FAM184A: variants seen among roughly 807,000 people sequenced by gnomAD.
FAM184A encodes the protein family with sequence similarity 184 member A, also known as protein FAM184A.
Under a neutral mutation model 143.8 loss-of-function variants are expected in FAM184A, and 99 were observed. The observed-to-expected ratio is 0.69, with a 90% CI of 0.58 to 0.81. The LOEUF (loss-of-function observed/expected upper bound fraction) is 0.81, where lower values mean the gene tolerates loss of function less well. FAM184A is among the 40% of genes least tolerant of loss of function. FAM184A has a pLI of 0.00. For synonymous variants in FAM184A, 427 were observed against 446.4 expected, an observed-to-expected ratio of 0.96 and a Z score of 0.55; for missense variants, 1,217 against 1,310.5, an observed-to-expected ratio of 0.93 and a Z score of 1.10.
intron 1 of FAM184A, among the ~76,000 whole-genome samples, chr6:119,105,020 A>T (rs1788744193): frequency 6.6e-6 from 1 of 152,180 alleles, no homozygotes; most frequent in African/African-American, 2.4e-5. Context: ...AGTACTACTC[A>T]AAACTGTTGA....
At chr6:119,107,372 C>T (rs1321018968) in intron 1 of FAM184A, among the ~76,000 whole-genome samples, 4 of 152,100 alleles carry the variant, frequency 2.6e-5, no homozygotes, top group Non-Finnish European at 5.9e-5. Flanking sequence ...ATTTGGAGTG[C>T]ATGGAATGGC....
rs775645868 is a variant in FAM184A at position 119,012,166 on chromosome 6, C to T, written c.1531-735G>A. ...GGAGGGGAACATCACATTCTAGGCA[C>T]GGGAAAAAGCATGTGCTAAGGCTTT... On this transcript the variant is annotated intron_variant, in intron 5 of 17. Transcript: ENST00000338891. Among the ~76,000 whole-genome samples, 9 of 151,998 alleles carry T rather than the reference C, an allele frequency of 5.9e-5. No individual in the cohort carries two copies. The East Asian group carries it at 9.6e-4, about 16-fold the overall frequency.
chr6:119,092,377 T>C (rs1470305818), intron 1 of FAM184A, among the ~76,000 whole-genome samples: 5 of 152,088 alleles, frequency 3.3e-5, no homozygotes, highest in African/African-American at 7.2e-5. Context: ...GCTCAAGCAA[T>C]CCTCCCACCT....
At chr6:118,962,885 T>C (rs1222388114) in intron 16 of FAM184A, 1 of 152,090 alleles carries the variant, frequency 6.6e-6, no homozygotes, top group Non-Finnish European at 1.5e-5. Context: ...TAATTAGATG[T>C]ATACCAATTA....
chr6:118,980,930 A>C (rs1274753004), intron 9 of FAM184A, among the ~76,000 whole-genome samples: 1 of 152,242 alleles, frequency 6.6e-6, no homozygotes, highest in East Asian at 1.9e-4. Context: ...TTTAAAAGAT[A>C]CATCAGTTTA....
At chr6:119,040,060 C>T (rs1032331659) in intron 1 of FAM184A, among the ~76,000 whole-genome samples, 13 of 152,346 alleles carry the variant, frequency 8.5e-5, no homozygotes, top group Admixed American at 5.9e-4. Context: ...AACGGGGACT[C>T]GACCTTCTCT....
intron 1 of FAM184A, among the ~76,000 whole-genome samples, chr6:119,107,183 C>T (rs1788809216): frequency 1.3e-5 from 2 of 152,068 alleles, no homozygotes; most frequent in Admixed American, 1.3e-4. Flanking sequence ...CTGCCAAAGC[C>T]AATCATCTGT....
chr6:119,023,873 G>A, intron 2 of FAM184A, 86 bp downstream of exon 2: 1 of 1,060,480 alleles, frequency 9.4e-7, no homozygotes, highest in Non-Finnish European at 1.3e-6. Flanking sequence ...CTGATTCTAA[G>A]TGGGCCAGAC....
chr6:119,080,196 A>G (rs1350680320), upstream of FAM184A, among the ~76,000 whole-genome samples: 2 of 152,242 alleles, frequency 1.3e-5, no homozygotes, highest in African/African-American at 4.8e-5. Context: ...TTTTGTCACT[A>G]TGATAAAGTG....
chr6:119,142,340 AC>A (rs1256868552), intron 1 of FAM184A, among the ~76,000 whole-genome samples: 12 of 152,166 alleles, frequency 7.9e-5, no homozygotes, highest in African/African-American at 2.9e-4. Flanking sequence ...TTCTTCTAGG[AC>A]AAGGAGGATA....
At chr6:119,033,605 C>A (rs1353665848) in intron 1 of FAM184A, among the ~76,000 whole-genome samples, 1 of 148,308 alleles carries the variant, frequency 6.7e-6, no homozygotes, top group Non-Finnish European at 1.5e-5. Context: ...GTGGAGGTTG[C>A]AGTGAGCCAA....
At chr6:119,014,935 T>G (rs1785193019) in intron 5 of FAM184A, among the ~76,000 whole-genome samples, 1 of 152,032 alleles carries the variant, frequency 6.6e-6, no homozygotes, top group Admixed American at 6.5e-5. Flanking sequence ...GGCATGCGCC[T>G]GTAGTCCCAG....
At chr6:119,113,662 C>T (rs1788990127) in intron 1 of FAM184A, among the ~76,000 whole-genome samples, 1 of 152,026 alleles carries the variant, frequency 6.6e-6, no homozygotes, top group South Asian at 2.1e-4. Context: ...ACCACATTCA[C>T]ATAACATGTA....
intron 5 of FAM184A, among the ~76,000 whole-genome samples, chr6:119,012,633 T>C (rs1029784389): frequency 7.2e-5 from 11 of 152,346 alleles, no homozygotes; most frequent in South Asian, 4.1e-4. Flanking sequence ...CAACTGATCA[T>C]ACAGGTACCA....
At chr6:119,070,649 T>C (rs1171037507) in intron 1 of FAM184A, among the ~76,000 whole-genome samples, 1 of 152,166 alleles carries the variant, frequency 6.6e-6, no homozygotes, top group African/African-American at 2.4e-5. Flanking sequence ...GGGATCTCAA[T>C]GTTGCTGTTT....
chr6:119,006,400 A>G (rs761640072), intron 7 of FAM184A, 47 bp downstream of exon 7: 23 of 1,582,392 alleles, frequency 1.5e-5, no homozygotes, highest in Admixed American at 5.3e-5. Context: ...GCTAAATTCT[A>G]TTTTTATTTT....
chr6:119,028,963 T>C (rs1175708809), intron 1 of FAM184A, among the ~76,000 whole-genome samples: 1 of 152,188 alleles, frequency 6.6e-6, no homozygotes. Context: ...CACACACATT[T>C]TGGTGACCAG....
At chr6:119,020,715 T>C (rs1203126052) in intron 3 of FAM184A, among the ~76,000 whole-genome samples, 4 of 152,202 alleles carry the variant, frequency 2.6e-5, no homozygotes, top group Non-Finnish European at 5.9e-5. Context: ...AAAGTGGAGC[T>C]TGTAGTTCCA....
intron 9 of FAM184A, among the ~76,000 whole-genome samples, chr6:118,987,811 TA>T (rs1386113808): frequency 1.3e-5 from 2 of 152,136 alleles, no homozygotes; most frequent in Non-Finnish European, 2.9e-5. Flanking sequence ...AAAGTAAACA[TA>T]AAAATAATGA....
Sources: allele counts gnomAD v4.1 joint callset (sites outside exome capture counted in the v4.1 genomes callset), GRCh38; gene constraint gnomAD v4.1.1; transcripts MANE v1.5; gene names NCBI Gene and HGNC (gene_info 2026-07-23, HGNC 2026-07-21).